CLEC6A: variants seen among roughly 807,000 people sequenced by gnomAD.
CLEC6A encodes C-type lectin domain containing 6A.
Under a neutral mutation model 25.7 loss-of-function variants are expected in CLEC6A, and 22 were observed. The ratio of observed to expected loss-of-function variants is 0.85; its 90% CI spans 0.61 to 1.22. CLEC6A has a LOEUF of 1.22. Ranked by LOEUF, CLEC6A falls within the 50% of genes most tolerant of loss-of-function variation. The probability of loss-of-function intolerance (pLI) is 0.00; values close to 1 mark genes in which losing one functional copy is unlikely to be tolerated. For missense variants in CLEC6A, 240 were observed against 236.8 expected (o/e 1.01, Z -0.09); for synonymous variants, 92 against 76.7 (o/e 1.20, Z -1.04).
chr12:8,457,897 G>C lies in CLEC6A; in HGVS notation c.32-1G>C. 1.2e-6 allele frequency: 2 copies of C among 1,612,944 alleles called. No individual in the cohort carries two copies. Among genetic ancestry groups the C allele is most frequent in the South Asian group, 2.2e-5 (2 of 91,048 alleles). ...CATTTGTTGTCTTCCTGATTGGACA[G>C]AGAAAAGAGGCTGGTTGTCCCTGAG... On this transcript the variant is annotated splice_acceptor_variant, in intron 1 of 5. Transcript: ENST00000382073. LOFTEE classifies it high-confidence loss of function.
At chr12:8,472,326 C>T (rs1280396036) in intron 4 of CLEC6A, among the ~76,000 whole-genome samples, 6 of 152,136 alleles carry the variant, frequency 3.9e-5, no homozygotes, top group Admixed American at 6.6e-5. Flanking sequence ...TGCTTGCTTT[C>T]GTTCTCAGCC....
intron 3 of CLEC6A, among the ~76,000 whole-genome samples, chr12:8,464,032 C>T (rs1239525910): frequency 6.6e-6 from 1 of 152,084 alleles, no homozygotes; most frequent in Non-Finnish European, 1.5e-5. Context: ...TACTTTGAGA[C>T]ATATTAAAGC....
chr12:8,462,631 C>A (rs1024752538), intron 3 of CLEC6A, among the ~76,000 whole-genome samples: 3 of 143,078 alleles, frequency 2.1e-5, no homozygotes, highest in Non-Finnish European at 4.7e-5. Flanking sequence ...GATGCAGATA[C>A]CTTTGTTCAC....
At chr12:8,460,490 C>A in intron 3 of CLEC6A, 3 of 605,810 alleles carry the variant, frequency 5.0e-6, no homozygotes, top group Non-Finnish European at 8.8e-6. Context: ...TCTCACAGCA[C>A]GTGGGAATTA....
chr12:8,459,183 A>C (rs760510858), intron 2 of CLEC6A, among the ~76,000 whole-genome samples: 1 of 152,262 alleles, frequency 6.6e-6, no homozygotes, highest in African/African-American at 2.4e-5. Flanking sequence ...GATTAAAAAA[A>C]ATTATCAGTT....
chr12:8,461,725 T>TA (rs1939757162), intron 3 of CLEC6A, among the ~76,000 whole-genome samples: 1 of 152,184 alleles, frequency 6.6e-6, no homozygotes, highest in South Asian at 2.1e-4. Context: ...TGATTAACGT[T>TA]AAAAAATAAT....
chr12:8,469,365 C>T (rs1014749832), intron 4 of CLEC6A, among the ~76,000 whole-genome samples: 2 of 151,870 alleles, frequency 1.3e-5, no homozygotes, highest in Non-Finnish European at 2.9e-5. Context: ...TTGCCAAAAG[C>T]AGTCTACAAA....
At chr12:8,469,796 A>C (rs1939882171) in intron 4 of CLEC6A, among the ~76,000 whole-genome samples, 1 of 152,222 alleles carries the variant, frequency 6.6e-6, no homozygotes, top group African/African-American at 2.4e-5. Flanking sequence ...AGGTGGATCA[A>C]GGACTTAAAT....
In CLEC6A at chr12:8,465,771, A is replaced by G. The variant is rs1591707926; in HGVS notation, c.369+142A>G. The G allele has an allele frequency of 1.2e-5, 8 of 641,796 alleles. No individual in the cohort carries two copies. In the East Asian group the frequency reaches 1.6e-4, roughly 13 times the overall value. 39.8% of individuals were successfully genotyped at this position (641,796 alleles called of 1,614,324 possible). A position where few individuals can be genotyped will look rare whatever the true frequency, so the allele number is the denominator to read the frequency against. ...GGTAACAGATCTCTAGAACTTTTTCATCTTGCAAAACTGGAACTCCCCACC... is the reference window on the plus strand; with the variant it reads ...GGTAACAGATCTCTAGAACTTTTTCGTCTTGCAAAACTGGAACTCCCCACC... On this transcript the variant is annotated intron_variant, in intron 4 of 5. Coordinates refer to ENST00000382073, the MANE Select transcript of CLEC6A (RefSeq NM_001007033.2).
intron 1 of CLEC6A, among the ~76,000 whole-genome samples, chr12:8,456,740 C>T (rs1008442574): frequency 3.9e-5 from 6 of 152,102 alleles, no homozygotes; most frequent in Admixed American, 1.3e-4. Flanking sequence ...CATTATCCAT[C>T]ACCTCAAATA....
intron 4 of CLEC6A, among the ~76,000 whole-genome samples, chr12:8,469,865 T>C (rs756580643): frequency 8.5e-5 from 13 of 152,292 alleles, no homozygotes; most frequent in African/African-American, 2.6e-4. Flanking sequence ...CTTCTAGACA[T>C]TGGCTTAGGC....
chr12:8,459,547 C>G, intron 2 of CLEC6A, 50 bp from the exon 3 acceptor site: 2 of 1,218,786 alleles, frequency 1.6e-6, no homozygotes, highest in Non-Finnish European at 2.4e-6. Context: ...GAGCCTAAGG[C>G]TTTATAGCAA....
chr12:8,475,558 G>T (rs1046385736), intron 4 of CLEC6A, among the ~76,000 whole-genome samples: 5 of 151,894 alleles, frequency 3.3e-5, no homozygotes, highest in Non-Finnish European at 7.4e-5. Flanking sequence ...CTAGTCCAAG[G>T]CTAGTAAAAG....
chr12:8,465,613 A>G lies in CLEC6A; in HGVS notation c.353A>G (p.Asn118Ser). The G allele has an allele frequency of 6.2e-7, 1 of 1,613,244 alleles. No individual in the cohort carries two copies. The highest frequency in any genetic ancestry group is 8.5e-7 in the Non-Finnish European group (1 of 1,179,642). ...ATGGGAGCACATTTGGTTGTGTTCA[A>G]CACAGAAGCAGAGCAGGTACTGTTT... Reference protein sequence around the residue: ...VEMGAHLVVFNTEAEQNFIVQ... With the variant: ...VEMGAHLVVFSTEAEQNFIVQ... The change falls in exon 4 of 6, where the codon AAC (asparagine) becomes AGC (serine). Residue 118 changes from asparagine (N) to serine (S), a missense_variant. Coordinates refer to ENST00000382073, the MANE Select transcript of CLEC6A (RefSeq NM_001007033.2).
At chr12:8,472,538 C>T (rs1300448139) in intron 4 of CLEC6A, among the ~76,000 whole-genome samples, 1 of 152,104 alleles carries the variant, frequency 6.6e-6, no homozygotes, top group Non-Finnish European at 1.5e-5. Flanking sequence ...AGGATTATGG[C>T]AAGTAAATGC....
intron 4 of CLEC6A, among the ~76,000 whole-genome samples, chr12:8,466,687 G>A (rs923023454): frequency 9.4e-5 from 14 of 149,422 alleles, no homozygotes; most frequent in Non-Finnish European, 1.9e-4. Flanking sequence ...ACAGAGTGTC[G>A]CTCTGTTGCC....
At position 8,460,816 on chromosome 12, in the gene CLEC6A, A is replaced by T. The variant is rs10770740; in HGVS notation, c.223+1118A>T. ...TTACCTTATATATAGGATTCGTGTTAGCCCTGGTGGCCAAAAACGCCCAGT... is the reference window on the plus strand; with the variant it reads ...TTACCTTATATATAGGATTCGTGTTTGCCCTGGTGGCCAAAAACGCCCAGT... On this transcript the variant is annotated intron_variant, in intron 3 of 5. Coordinates refer to ENST00000382073, the MANE Select transcript of CLEC6A (RefSeq NM_001007033.2). 7 of 1,172,910 alleles carry T rather than the reference A, an allele frequency of 6.0e-6. 1 individual carries two copies. The highest frequency in any genetic ancestry group is 3.4e-5 in the Admixed American group (2 of 58,950). The allele number at this position is 1,172,910 out of a possible 1,614,324, so 72.7% of individuals were successfully genotyped here.
chr12:8,476,084 A>C (rs1172464878), intron 4 of CLEC6A, 41 bp from the exon 5 acceptor site: 5 of 1,323,096 alleles, frequency 3.8e-6, no homozygotes, highest in African/African-American at 1.5e-5. Flanking sequence ...TTCAATCTGG[A>C]AATACCAAAG....
intron 1 of CLEC6A, among the ~76,000 whole-genome samples, chr12:8,456,823 TG>T (rs1336625583): frequency 2.0e-5 from 3 of 152,178 alleles, no homozygotes; most frequent in Non-Finnish European, 2.9e-5. Context: ...AATAAATTAT[TG>T]TTGGGTTAGG....
Sources: gnomAD v4.1 joint callset for allele counts (sites outside exome capture counted in the v4.1 genomes callset) on GRCh38, gnomAD v4.1.1 for gene constraint, MANE v1.5 for transcripts, NCBI Gene and HGNC (gene_info 2026-07-23, HGNC 2026-07-21) for gene names.